PUDP: variants seen among roughly 807,000 people sequenced by gnomAD.
PUDP encodes the protein pseudouridine-5'-phosphatase.
In PUDP, 8 loss-of-function variants were observed where a neutral mutation model predicts 9.4. The observed-to-expected ratio is 0.85, with a 90% CI of 0.50 to 1.53. The LOEUF is 1.53. Ranked by LOEUF, PUDP falls within the 40% of genes most tolerant of loss-of-function variation. The probability of loss-of-function intolerance (pLI) is 0.00; values close to 1 mark genes in which losing one functional copy is unlikely to be tolerated. For missense variants in PUDP, 188 were observed against 189.7 expected (o/e 0.99, Z 0.05); for synonymous variants, 99 against 80.7 (o/e 1.23, Z -1.22).
chrX:7,083,977 G>A (rs1169308617), intron 2 of PUDP, among the ~76,000 whole-genome samples: 2 of 111,171 alleles, frequency 1.8e-5, no homozygotes, highest in African/African-American at 6.6e-5. Context: ...AATATACACA[G>A]AAAGAAACTG....
At chrX:6,740,256 A>T (rs938809230) in intron 3 of PUDP, among the ~76,000 whole-genome samples, 1 of 111,414 alleles carries the variant, frequency 9.0e-6, no homozygotes, top group African/African-American at 3.3e-5. Flanking sequence ...CTGGTATTTT[A>T]TTTGGTATTT....
intron 3 of PUDP, among the ~76,000 whole-genome samples, chrX:6,838,060 T>G (rs1926611234): frequency 8.9e-6 from 1 of 112,089 alleles, no homozygotes; most frequent in Non-Finnish European, 1.9e-5. Context: ...ACTACCCTGT[T>G]GCCAGAGATC....
chrX:6,920,589 G>T, intron 3 of PUDP, among the ~76,000 whole-genome samples: 1 of 111,499 alleles, frequency 9.0e-6, no homozygotes, highest in South Asian at 3.8e-4. Flanking sequence ...CTTTGGAAAG[G>T]CTTATCAGAA....
intron 1 of PUDP, among the ~76,000 whole-genome samples, chrX:6,981,219 G>A (rs751236089): frequency 8.9e-6 from 1 of 111,831 alleles, no homozygotes; most frequent in Non-Finnish European, 1.9e-5. Context: ...CAGTTGGTGG[G>A]GGGTAATTGA....
intron 3 of PUDP, among the ~76,000 whole-genome samples, chrX:6,777,041 C>G (rs763376867): frequency 8.9e-6 from 1 of 112,416 alleles, no homozygotes; most frequent in African/African-American, 3.2e-5. Flanking sequence ...CCAATACTTT[C>G]ATTCATCACA....
At chrX:6,900,633 C>T (rs760286683) in intron 3 of PUDP, among the ~76,000 whole-genome samples, 6 of 101,634 alleles carry the variant, frequency 5.9e-5, no homozygotes, top group African/African-American at 2.1e-4. Context: ...ATTTCCTTCC[C>T]TTTAAGTAAC....
chrX:6,820,505 C>A (rs981971238), intron 3 of PUDP, among the ~76,000 whole-genome samples: 15 of 111,858 alleles, frequency 1.3e-4, no homozygotes, highest in Non-Finnish European at 2.4e-4. Context: ...AAATCAAAAG[C>A]AAACTAGTTA....
At chrX:6,965,960 C>T (rs183004402) in intron 3 of PUDP, among the ~76,000 whole-genome samples, 26 of 111,306 alleles carry the variant, frequency 2.3e-4, no homozygotes, top group Non-Finnish European at 3.6e-4. Flanking sequence ...AAACTACCTT[C>T]TTCCACCGTT....
intron 1 of PUDP, among the ~76,000 whole-genome samples, chrX:7,110,351 GTGGT>G (rs1386782879): frequency 3.0e-4 from 34 of 112,466 alleles, no homozygotes; most frequent in Non-Finnish European, 5.3e-4. Flanking sequence ...CTGAGGCACA[GTGGT>G]TGATGTTTTA....
chrX:7,041,448 C>T lies in PUDP; in HGVS notation c.204+35772G>A, dbSNP rs1929920847. ...CTGGCTGGCCTCTTAGCCTGCTCTC[C>T]TCTTACTGTTCCCTCGAAGGCATCA... On this transcript the variant is annotated intron_variant and NMD_transcript_variant, in intron 1 of 3. Transcript: ENST00000655425. 2.7e-5 allele frequency among the ~76,000 whole-genome samples: 3 copies of T among 111,941 alleles called. No homozygotes were observed. In the South Asian group the frequency reaches 1.1e-3, roughly 42 times the overall value.
intron 3 of PUDP, among the ~76,000 whole-genome samples, chrX:6,889,257 G>A (rs974058472): frequency 8.1e-5 from 9 of 111,718 alleles, no homozygotes; most frequent in African/African-American, 1.9e-4. Flanking sequence ...CTTAGTTCTT[G>A]CATATTTGTG....
chrX:7,065,866 C>T (rs557879630), intron 3 of PUDP, among the ~76,000 whole-genome samples: 4 of 112,307 alleles, frequency 3.6e-5, no homozygotes, highest in Admixed American at 1.9e-4. Context: ...GTATTCAATA[C>T]ACCATTCTCC....
intron 3 of PUDP, among the ~76,000 whole-genome samples, chrX:6,836,814 T>C (rs146410016): frequency 0.02 from 2,233 of 111,973 alleles, 57 homozygotes; most frequent in African/African-American, 0.069. Flanking sequence ...TTCCCTACAG[T>C]CTACACTGGG....
intron 3 of PUDP, among the ~76,000 whole-genome samples, chrX:6,930,490 C>A (rs1422214348): frequency 5.4e-5 from 6 of 111,474 alleles, no homozygotes; most frequent in African/African-American, 2.0e-4. Context: ...AATGCCTTGG[C>A]AACGTCCTGC....
At chrX:6,988,684 G>A (rs1322459047) in intron 1 of PUDP, among the ~76,000 whole-genome samples, 2 of 111,199 alleles carry the variant, frequency 1.8e-5, no homozygotes, top group African/African-American at 6.6e-5. Flanking sequence ...GGTTTGGGGA[G>A]TTTCTTCAGA....
intron 3 of PUDP, among the ~76,000 whole-genome samples, chrX:6,846,795 G>A (rs1329327925): frequency 9.0e-6 from 1 of 111,577 alleles, no homozygotes; most frequent in Non-Finnish European, 1.9e-5. Context: ...AGCCATGAGG[G>A]AGGTGAAACA....
chrX:6,887,170 AT>A (rs1927440572), intron 3 of PUDP, among the ~76,000 whole-genome samples: 1 of 105,497 alleles, frequency 9.5e-6, no homozygotes, highest in Non-Finnish European at 1.9e-5. Flanking sequence ...TTTATTTATA[AT>A]TAAATATATT....
intron 1 of PUDP, among the ~76,000 whole-genome samples, chrX:7,037,497 C>T (rs988063095): frequency 9.0e-6 from 1 of 111,654 alleles, no homozygotes; most frequent in Non-Finnish European, 1.9e-5. Context: ...TGTGTGCCAC[C>T]CAACCACTTT....
chrX:6,990,643 T>C (rs1929163687), intron 1 of PUDP, among the ~76,000 whole-genome samples: 1 of 110,452 alleles, frequency 9.1e-6, no homozygotes. Context: ...CAGAGAGGAG[T>C]GGTAGCAACT....
Sources: gnomAD v4.1 joint callset for allele counts (sites outside exome capture counted in the v4.1 genomes callset) on GRCh38, gnomAD v4.1.1 for gene constraint, MANE v1.5 for transcripts, NCBI Gene and HGNC (gene_info 2026-07-23, HGNC 2026-07-21) for gene names.